ADD3: variants seen among roughly 807,000 people sequenced by gnomAD.
The protein encoded by ADD3 is adducin 3, also known as gamma-adducin.
In ADD3, 25 loss-of-function variants were observed where a neutral mutation model predicts 80.2. That is an observed-to-expected ratio of 0.31 (90% confidence interval 0.23 to 0.44). The LOEUF (loss-of-function observed/expected upper bound fraction) is 0.44. Among genes scored for constraint, ADD3 ranks in the 20% least tolerant of loss-of-function variants. ADD3 has a pLI of 1.00. For missense variants in ADD3, 829 were observed against 847.5 expected (o/e 0.98, Z 0.27); for synonymous variants, 284 against 289.6 (o/e 0.98, Z 0.20).
chr10:110,009,142 C>T (rs1852023420), intron 1 of ADD3, among the ~76,000 whole-genome samples: 1 of 152,108 alleles, frequency 6.6e-6, no homozygotes, highest in African/African-American at 2.4e-5. Context: ...CACTAATTTC[C>T]TTGGCACATG....
chr10:109,997,507 C>T (rs1851403582), intron 1 of ADD3: 1 of 152,220 alleles, frequency 6.6e-6, no homozygotes, highest in Admixed American at 6.5e-5. Flanking sequence ...CCCTTGAAAT[C>T]CCTGCACTTA....
At chr10:110,089,833 G>C (rs557962820) in intron 1 of ADD3, among the ~76,000 whole-genome samples, 1 of 152,214 alleles carries the variant, frequency 6.6e-6, no homozygotes, top group East Asian at 1.9e-4. Context: ...ATTGAGTTTG[G>C]ACTTGAAGAA....
chr10:110,103,852 C>T (rs1424491488), intron 2 of ADD3, among the ~76,000 whole-genome samples: 1 of 152,186 alleles, frequency 6.6e-6, no homozygotes, highest in African/African-American at 2.4e-5. Context: ...AGGTATGTGC[C>T]ACCATGCCTG....
rs7074537 is a variant in ADD3 at position 110,029,366 on chromosome 10, C to T, written c.-30+21067C>T. Among the ~76,000 whole-genome samples the T allele has an allele frequency of 4.7e-3, 715 of 152,276 alleles. 11 individuals carry two copies. The highest frequency in any genetic ancestry group is 0.016 in the African/African-American group (661 of 41,538). ...AAACAGCCACTTGGTGACTATACTTCTTGTTATAATGCAAATGGCATATTG... is the reference window on the plus strand; with the variant it reads ...AAACAGCCACTTGGTGACTATACTTTTTGTTATAATGCAAATGGCATATTG... On this transcript the variant is annotated intron_variant, in intron 1 of 14. Transcript: ENST00000356080.
chr10:110,030,347 G>C (rs1854860621), intron 1 of ADD3, among the ~76,000 whole-genome samples: 1 of 150,844 alleles, frequency 6.6e-6, no homozygotes, highest in Non-Finnish European at 1.5e-5. Flanking sequence ...AAAGAAAGTG[G>C]TGATTATTAT....
At chr10:110,037,507 A>C (rs1478402260) in intron 1 of ADD3, among the ~76,000 whole-genome samples, 1 of 150,678 alleles carries the variant, frequency 6.6e-6, no homozygotes, top group Non-Finnish European at 1.5e-5. Flanking sequence ...TGGAAAGCTG[A>C]GGCAGGAGAA....
intron 3 of ADD3, among the ~76,000 whole-genome samples, chr10:110,114,344 C>T (rs948008429): frequency 2.6e-5 from 4 of 152,312 alleles, no homozygotes; most frequent in Middle Eastern, 3.4e-3. Context: ...TTCAAAACAT[C>T]TCAAAATTAA....
chr10:110,081,397 G>A (rs892421981), intron 1 of ADD3, among the ~76,000 whole-genome samples: 2 of 152,102 alleles, frequency 1.3e-5, no homozygotes, highest in African/African-American at 2.4e-5. Context: ...TGTTCCTTGC[G>A]TTGTTGGAGC....
At chr10:110,122,411 A>G in intron 9 of ADD3, 119 bp downstream of exon 9, 4 of 862,316 alleles carry the variant, frequency 4.6e-6, no homozygotes, top group Non-Finnish European at 7.1e-6. Flanking sequence ...GCCCTAGGAA[A>G]GCATTTCATT....
chr10:110,123,315 C>A (rs1318392789), intron 9 of ADD3, among the ~76,000 whole-genome samples: 1 of 152,186 alleles, frequency 6.6e-6, no homozygotes, highest in Non-Finnish European at 1.5e-5. Flanking sequence ...AATGGCTATA[C>A]TAATTTACAT....
intron 14 of ADD3, 151 bp downstream of exon 14, chr10:110,132,551 C>A: frequency 1.7e-6 from 1 of 580,724 alleles, no homozygotes; most frequent in Non-Finnish European, 3.0e-6. Flanking sequence ...TATTTTATAT[C>A]ATTAAAAATG....
intron 1 of ADD3, among the ~76,000 whole-genome samples, chr10:110,043,795 T>C (rs1856624838): frequency 6.6e-6 from 1 of 152,232 alleles, no homozygotes; most frequent in Non-Finnish European, 1.5e-5. Flanking sequence ...ATGGAGAAGA[T>C]ACACTGTGTG....
chr10:110,013,714 T>C (rs1267164630), intron 1 of ADD3, among the ~76,000 whole-genome samples: 1 of 152,210 alleles, frequency 6.6e-6, no homozygotes, highest in African/African-American at 2.4e-5. Flanking sequence ...ATTCTTGTGA[T>C]TTCTTACTTT....
At chr10:110,061,440 A>AG (rs1330627655) in intron 1 of ADD3, among the ~76,000 whole-genome samples, 1 of 152,176 alleles carries the variant, frequency 6.6e-6, no homozygotes, top group African/African-American at 2.4e-5. Context: ...GATTGACTGG[A>AG]GTCAGCTTTC....
intron 1 of ADD3, among the ~76,000 whole-genome samples, chr10:110,084,218 G>A (rs1222286167): frequency 1.3e-5 from 2 of 152,092 alleles, no homozygotes; most frequent in African/African-American, 4.8e-5. Flanking sequence ...TGAAAGAAAA[G>A]CACTCTCATT....
chr10:110,015,019 A>G (rs1473903688), intron 1 of ADD3, among the ~76,000 whole-genome samples: 1 of 151,802 alleles, frequency 6.6e-6, no homozygotes, highest in Admixed American at 6.6e-5. Flanking sequence ...GTTTACAGGC[A>G]TGGGCCACCA....
chr10:110,093,824 TG>T (rs1258660484), intron 1 of ADD3, among the ~76,000 whole-genome samples: 1 of 152,210 alleles, frequency 6.6e-6, no homozygotes, highest in Non-Finnish European at 1.5e-5. Flanking sequence ...TTATGGTGTG[TG>T]GGTGTGTGTG....
chr10:109,997,890 C>T (rs1336493309), intron 1 of ADD3, among the ~76,000 whole-genome samples: 1 of 152,186 alleles, frequency 6.6e-6, no homozygotes, highest in Non-Finnish European at 1.5e-5. Context: ...GGGGCTGATG[C>T]TAACTTTTAA....
intron 1 of ADD3, among the ~76,000 whole-genome samples, chr10:110,082,959 C>A (rs971005787): frequency 1.3e-5 from 2 of 152,164 alleles, no homozygotes; most frequent in African/African-American, 4.8e-5. Context: ...TCTAGAATCC[C>A]TGTCCTGGTT....
Sources: allele counts gnomAD v4.1 joint callset (sites outside exome capture counted in the v4.1 genomes callset), GRCh38; gene constraint gnomAD v4.1.1; transcripts MANE v1.5; gene names NCBI Gene and HGNC (gene_info 2026-07-23, HGNC 2026-07-21).